SNX29: variants seen among roughly 807,000 people sequenced by gnomAD.
SNX29 encodes sorting nexin 29.
In SNX29, 78 loss-of-function variants were observed where a neutral mutation model predicts 102.1. The observed-to-expected ratio is 0.76, with a 90% CI of 0.64 to 0.92. The LOEUF (loss-of-function observed/expected upper bound fraction) is 0.92, where lower values mean the gene tolerates loss of function less well. Ranked by LOEUF, SNX29 falls within the 40% of genes least tolerant of loss-of-function variation. SNX29 has a pLI of 0.00. For missense variants in SNX29, 1,280 were observed against 1,061.7 expected (o/e 1.21, Z -2.86); for synonymous variants, 580 against 414.5 (o/e 1.40, Z -4.85).
At chr16:12,276,879 A>T (rs370940646) in intron 14 of SNX29, among the ~76,000 whole-genome samples, 1 of 152,160 alleles carries the variant, frequency 6.6e-6, no homozygotes, top group Admixed American at 6.5e-5. Context: ...CCTGGGAGCC[A>T]GTCTCTTTAA....
At chr16:12,330,569 C>T (rs2081265568) in intron 15 of SNX29, among the ~76,000 whole-genome samples, 1 of 152,182 alleles carries the variant, frequency 6.6e-6, no homozygotes, top group African/African-American at 2.4e-5. Flanking sequence ...CCATTGTCAC[C>T]TTTTTACAGA....
intron 20 of SNX29, among the ~76,000 whole-genome samples, chr16:12,558,345 C>T (rs922923104): frequency 3.3e-5 from 5 of 152,154 alleles, no homozygotes; most frequent in Middle Eastern, 3.4e-3. Flanking sequence ...ACAAAGAGGC[C>T]CCCTCAGCAT....
chr16:12,007,040 G>C (rs1444393147), intron 3 of SNX29, among the ~76,000 whole-genome samples: 1 of 152,002 alleles, frequency 6.6e-6, no homozygotes, highest in East Asian at 1.9e-4. Flanking sequence ...GTGCTATTTA[G>C]TGACTAAATG....
chr16:12,022,526 A>G (rs771802072), intron 3 of SNX29, among the ~76,000 whole-genome samples: 1 of 152,164 alleles, frequency 6.6e-6, no homozygotes, highest in African/African-American at 2.4e-5. Context: ...TAATAAATTT[A>G]TAGTGTTGTG....
chr16:12,523,849 G>T (rs112464897), intron 19 of SNX29, among the ~76,000 whole-genome samples: 119 of 152,324 alleles, frequency 7.8e-4, no homozygotes, highest in African/African-American at 2.7e-3. Context: ...GCCTGGTATG[G>T]CCCTATGGGT....
At chr16:12,437,386 G>T (rs2085584809) in intron 18 of SNX29, among the ~76,000 whole-genome samples, 1 of 152,210 alleles carries the variant, frequency 6.6e-6, no homozygotes, top group African/African-American at 2.4e-5. Context: ...GTCTCATAGC[G>T]GGGAGAGTCA....
chr16:12,424,254 G>T (rs1050624422), intron 18 of SNX29, among the ~76,000 whole-genome samples: 4 of 152,210 alleles, frequency 2.6e-5, no homozygotes, highest in African/African-American at 9.6e-5. Context: ...TCTGTCTAGG[G>T]TGTGGCCATT....
At chr16:12,540,416 GATTT>G in intron 20 of SNX29, among the ~76,000 whole-genome samples, 1 of 152,344 alleles carries the variant, frequency 6.6e-6, no homozygotes, top group Middle Eastern at 3.4e-3. Context: ...AAAAACTACA[GATTT>G]ATTCTCCAGC....
rs1232999475 is a variant in SNX29 at position 12,069,104 on chromosome 16, G to T, written c.1291G>T (p.Val431Phe). The change falls in exon 10 of 21, where the codon GTT (valine) becomes TTT (phenylalanine). Residue 431 changes from valine to phenylalanine, a missense_variant. Transcript: ENST00000566228. Reference protein sequence around the residue: ...LENGTGPEDHVLPDPGLRYSV... With the variant: ...LENGTGPEDHFLPDPGLRYSV... ...GAACGGGACAGGACCAGAGGACCAC[G>T]TTCTCCCAGATCCTGGACTTCGGTA... 2.5e-6 allele frequency: 4 copies of T among 1,613,660 alleles called. No homozygotes were observed. Among genetic ancestry groups the T allele is most frequent in the Non-Finnish European group, 2.5e-6 (3 of 1,179,700 alleles).
At chr16:12,057,762 T>C (rs1042934005) in intron 8 of SNX29, among the ~76,000 whole-genome samples, 1 of 151,810 alleles carries the variant, frequency 6.6e-6, no homozygotes, top group East Asian at 1.9e-4. Flanking sequence ...TCTAGTGTTA[T>C]GAAGCTGAGC....
chr16:12,232,200 T>C (rs2077789945), intron 14 of SNX29, among the ~76,000 whole-genome samples: 3 of 152,212 alleles, frequency 2.0e-5, no homozygotes, highest in African/African-American at 7.2e-5. Flanking sequence ...AGGGGGAAGA[T>C]GCATTTGTAG....
At chr16:12,105,328 G>T (rs368296466) in intron 11 of SNX29, among the ~76,000 whole-genome samples, 1 of 150,672 alleles carries the variant, frequency 6.6e-6, no homozygotes, top group Non-Finnish European at 1.5e-5. Flanking sequence ...GGGTTCAAGC[G>T]ATTCTTGTGC....
At chr16:12,175,809 C>T (rs1208053641) in intron 13 of SNX29, among the ~76,000 whole-genome samples, 1 of 151,840 alleles carries the variant, frequency 6.6e-6, no homozygotes, top group Non-Finnish European at 1.5e-5. Context: ...GAGTTTGAGA[C>T]TAGCTTGGGA....
intron 14 of SNX29, among the ~76,000 whole-genome samples, chr16:12,251,797 T>C (rs553531516): frequency 6.6e-6 from 1 of 152,046 alleles, no homozygotes; most frequent in South Asian, 2.1e-4. Context: ...TCTTGCTCTG[T>C]CACCCAGGCT....
intron 18 of SNX29, among the ~76,000 whole-genome samples, chr16:12,457,239 G>A (rs2086579804): frequency 6.6e-6 from 1 of 152,156 alleles, no homozygotes; most frequent in African/African-American, 2.4e-5. Context: ...ACCCTCTTAG[G>A]TGGGTGCTAA....
At chr16:12,186,334 T>C (rs1028000793) in intron 13 of SNX29, among the ~76,000 whole-genome samples, 18 of 152,216 alleles carry the variant, frequency 1.2e-4, no homozygotes, top group Non-Finnish European at 2.2e-4. Context: ...GTTAATATTT[T>C]GCTCTATTGG....
intron 15 of SNX29, among the ~76,000 whole-genome samples, chr16:12,354,684 G>C (rs1170765491): frequency 2.0e-5 from 3 of 152,194 alleles, no homozygotes; most frequent in African/African-American, 7.2e-5. Flanking sequence ...CCCAGAGGAA[G>C]CTCGTGGGGG....
In SNX29 at chr16:12,446,012, T is replaced by C. The variant is rs373478156; in HGVS notation, c.2038-31707T>C. ...CGCTGCACACCTGCTTCCATGCAGCTCCTGGACGTGCAGTTGAAACAGTAG... is the reference window on the plus strand; with the variant it reads ...CGCTGCACACCTGCTTCCATGCAGCCCCTGGACGTGCAGTTGAAACAGTAG... On this transcript the variant is annotated intron_variant, in intron 18 of 20. Transcript: ENST00000566228. Among the ~76,000 whole-genome samples, 73 of 150,970 alleles carry C rather than the reference T, an allele frequency of 4.8e-4. 1 individual carries two copies. The South Asian group carries it at 0.015, about 30-fold the overall frequency.
intron 14 of SNX29, among the ~76,000 whole-genome samples, chr16:12,269,500 A>G (rs999589809): frequency 3.3e-5 from 5 of 152,168 alleles, no homozygotes; most frequent in East Asian, 1.9e-4. Context: ...ATCTTTCTAC[A>G]TTGTGCTTAA....
Sources: gnomAD v4.1 joint callset for allele counts (sites outside exome capture counted in the v4.1 genomes callset) on GRCh38, gnomAD v4.1.1 for gene constraint, MANE v1.5 for transcripts, NCBI Gene and HGNC (gene_info 2026-07-23, HGNC 2026-07-21) for gene names.